USH2A: variants seen among roughly 807,000 people sequenced by gnomAD.
USH2A encodes the protein usherin.
A neutral mutation model predicts 538.9 loss-of-function variants in USH2A; 443 were observed. The observed-to-expected ratio is 0.82, with a 90% CI of 0.76 to 0.89. The LOEUF (loss-of-function observed/expected upper bound fraction) is 0.89, where lower values mean the gene tolerates loss of function less well. USH2A is among the 40% of genes least tolerant of loss of function. The pLI is 0.00. For missense variants in USH2A, 6,633 were observed against 6,324.8 expected (o/e 1.05, Z -1.65); for synonymous variants, 2,413 against 2,273.5 (o/e 1.06, Z -1.75).
chr1:216,235,994 T>C (rs1477353470), intron 13 of USH2A, among the ~76,000 whole-genome samples: 3 of 152,294 alleles, frequency 2.0e-5, no homozygotes, highest in Middle Eastern at 6.8e-3. Flanking sequence ...TATTTCAGTA[T>C]AGTTGATGAT....
At chr1:216,102,665 T>C (rs1193362345) in intron 21 of USH2A, among the ~76,000 whole-genome samples, 1 of 152,018 alleles carries the variant, frequency 6.6e-6, no homozygotes. Context: ...CCGGGCGTCG[T>C]GGCGGGCGCC....
rs1471544609 is a variant in USH2A, at chr1:216,000,388, A to T, written c.6485+15T>A. 6.2e-7 allele frequency: 1 copy of T among 1,613,228 alleles called. No individual in the cohort carries two copies. ...GCATGAACCAGCATGTGAGAGAGAC[A>T]ACATTTCTACTTACTGTATGTGTAT... On this transcript the variant is annotated intron_variant, in intron 33 of 71. Transcript: ENST00000307340.
At chr1:216,077,997 G>C in intron 27 of USH2A, 92 bp downstream of exon 27, 1 of 1,505,662 alleles carries the variant, frequency 6.6e-7, no homozygotes, top group Non-Finnish European at 9.2e-7. Flanking sequence ...CTTTTAGCCT[G>C]AGTCTATTGC....
At chr1:215,903,931 G>GTTCA (rs1176007644) in intron 38 of USH2A, among the ~76,000 whole-genome samples, 1 of 151,972 alleles carries the variant, frequency 6.6e-6, no homozygotes, top group Non-Finnish European at 1.5e-5. Flanking sequence ...CATTGCTAAA[G>GTTCA]GCTTTTTAAT....
rs753003133 is a variant in USH2A at position 215,674,194 on chromosome 1, A to G, written c.13717T>C (p.Phe4573Leu). The part of the protein sequence containing the change: ...INYTLFIREL[F>L]ERETKIIHIN... ...TGTATGATTTTAGTTTCTCTTTCAA[A>G]TAGTTCACGGATGAAGAGGGTATAA... Residue 4573 changes from phenylalanine to leucine, a missense_variant, in exon 63 of 72, where the codon TTT (phenylalanine) becomes CTT (leucine). Coordinates refer to ENST00000307340, the MANE Select transcript of USH2A (RefSeq NM_206933.4). 2 of 1,614,154 alleles carry G rather than the reference A, an allele frequency of 1.2e-6. No homozygotes were observed. Among genetic ancestry groups the G allele is most frequent in the Non-Finnish European group, 1.7e-6 (2 of 1,180,018 alleles).
intron 38 of USH2A, among the ~76,000 whole-genome samples, chr1:215,905,708 C>A (rs1665624311): frequency 6.6e-6 from 1 of 151,944 alleles, no homozygotes; most frequent in African/African-American, 2.4e-5. Flanking sequence ...ATGTTCTCAG[C>A]CTCATTCCCT....
In USH2A at chr1:216,016,307, C is replaced by T. The variant is rs1460761125; in HGVS notation, c.6326-15745G>A. Among the ~76,000 whole-genome samples the T allele has an allele frequency of 3.3e-5, 5 of 151,864 alleles. No homozygotes were observed. The South Asian group carries it at 8.3e-4, about 25-fold the overall frequency. On this transcript the variant is annotated intron_variant, in intron 32 of 71. Coordinates refer to ENST00000307340, the MANE Select transcript of USH2A (RefSeq NM_206933.4). ...TGTATACATATGTAACAAACCTGCA[C>T]GTTTTGCACATGTACCCTAGAACTT...
intron 41 of USH2A, among the ~76,000 whole-genome samples, chr1:215,882,980 T>C (rs1345416711): frequency 6.6e-6 from 1 of 152,192 alleles, no homozygotes; most frequent in African/African-American, 2.4e-5. Context: ...ATTATTGATA[T>C]ACTACTTTCT....
intron 4 of USH2A, among the ~76,000 whole-genome samples, chr1:216,358,257 T>A (rs1012279085): frequency 6.6e-6 from 1 of 152,122 alleles, no homozygotes; most frequent in Non-Finnish European, 1.5e-5. Flanking sequence ...TCAAACCTAA[T>A]CAGAGAAAGA....
At chr1:215,962,446 T>G (rs1192794758) in intron 37 of USH2A, among the ~76,000 whole-genome samples, 2 of 152,098 alleles carry the variant, frequency 1.3e-5, no homozygotes, top group Non-Finnish European at 2.9e-5. Flanking sequence ...AATGATGGTA[T>G]GCTCTAACCC....
chr1:215,877,931 G>A, intron 42 of USH2A, 51 bp from the exon 43 acceptor site: 1 of 1,612,082 alleles, frequency 6.2e-7, no homozygotes, highest in South Asian at 1.1e-5. Context: ...CTCATATTGA[G>A]ATTACCAAAA....
intron 47 of USH2A, among the ~76,000 whole-genome samples, chr1:215,820,539 T>A (rs747865316): frequency 2.6e-5 from 4 of 151,788 alleles, no homozygotes; most frequent in Non-Finnish European, 5.9e-5. Flanking sequence ...CAAATCAATG[T>A]AACTGGCATA....
intron 67 of USH2A, among the ~76,000 whole-genome samples, chr1:215,646,339 G>A (rs1461222279): frequency 6.9e-6 from 1 of 144,508 alleles, no homozygotes; most frequent in Non-Finnish European, 1.6e-5. Context: ...CATAAATTAT[G>A]CAGTTGGTTC....
At chr1:216,072,218 T>C (rs1558242818) in intron 29 of USH2A, among the ~76,000 whole-genome samples, 1 of 152,222 alleles carries the variant, frequency 6.6e-6, no homozygotes, top group Admixed American at 6.5e-5. Context: ...CACAAAACTC[T>C]TTGTGCTGAA....
At chr1:215,987,761 A>G (rs971107739) in intron 35 of USH2A, among the ~76,000 whole-genome samples, 2 of 152,316 alleles carry the variant, frequency 1.3e-5, no homozygotes, top group East Asian at 1.9e-4. Flanking sequence ...ATTCAGTGGG[A>G]TTGCATACTG....
At chr1:216,173,147 A>G (rs568666939) in intron 21 of USH2A, among the ~76,000 whole-genome samples, 2 of 152,174 alleles carry the variant, frequency 1.3e-5, no homozygotes, top group Admixed American at 1.3e-4. Context: ...CTATTTAGGA[A>G]AGATGCAAGT....
At chr1:216,029,757 C>T (rs1315188242) in intron 32 of USH2A, among the ~76,000 whole-genome samples, 1 of 151,522 alleles carries the variant, frequency 6.6e-6, no homozygotes. Context: ...TAAGATAGGG[C>T]ACTTAAACTA....
chr1:215,659,641 T>G (rs534168537), intron 64 of USH2A, among the ~76,000 whole-genome samples: 19 of 152,272 alleles, frequency 1.2e-4, no homozygotes, highest in African/African-American at 3.9e-4. Context: ...GTAAGTTTTT[T>G]TTGTTGTTGT....
chr1:216,094,730 A>G (rs757888183), intron 22 of USH2A, among the ~76,000 whole-genome samples: 16 of 152,032 alleles, frequency 1.1e-4, no homozygotes, highest in Admixed American at 6.6e-5. Context: ...ATCAACAACC[A>G]TCTTTCTTTC....
Sources: allele counts gnomAD v4.1 joint callset (sites outside exome capture counted in the v4.1 genomes callset), GRCh38; gene constraint gnomAD v4.1.1; transcripts MANE v1.5; gene names NCBI Gene and HGNC (gene_info 2026-07-23, HGNC 2026-07-21).